TOB1: variants seen among roughly 807,000 people sequenced by gnomAD.
TOB1 encodes the protein transducer of ERBB2, 1, also known as protein Tob1.
A neutral mutation model predicts 22.9 loss-of-function variants in TOB1; 2 were observed. The observed-to-expected ratio is 0.09, with a 90% CI of 0.04 to 0.28. The LOEUF is 0.28. Ranked by LOEUF, TOB1 falls within the 10% of genes least tolerant of loss-of-function variation. The pLI, the probability that TOB1 is intolerant of heterozygous loss-of-function variation, is 1.00. For missense variants in TOB1, 299 were observed against 420.5 expected (o/e 0.71, Z 2.53); for synonymous variants, 154 against 150.6 (o/e 1.02, Z -0.17).
In TOB1 at chr17:50,863,572, A is replaced by G; in HGVS notation, c.446T>C (p.Val149Ala). 6.2e-7 allele frequency: 1 copy of G among 1,614,148 alleles called. No individual in the cohort carries two copies. The highest frequency in any genetic ancestry group is 8.5e-7 in the Non-Finnish European group (1 of 1,180,022). ...AAAAGGAGGCGATGGAGAGCTGGACACTGATGAGGCTGGGTCACTTATGGG... is the reference window on the plus strand; with the variant it reads ...AAAAGGAGGCGATGGAGAGCTGGACGCTGATGAGGCTGGGTCACTTATGGG... Reference protein sequence around the residue: ...FMPISDPASSVSSSPSPPFGH... With the variant: ...FMPISDPASSASSSPSPPFGH... The change falls in exon 2 of 2, where the codon GTG becomes GCG. Residue 149 changes from valine (V) to alanine (A), a missense_variant. Transcript: ENST00000499247.
upstream of TOB1, chr17:50,866,367 G>T (rs868574287): frequency 6.6e-6 from 1 of 152,198 alleles, no homozygotes; most frequent in East Asian, 1.9e-4. Flanking sequence ...CGCGGCGCGC[G>T]CCCCGCCTCT....
At position 50,863,765 on chromosome 17, in the gene TOB1, T is replaced by C. The variant is rs1425928787; in HGVS notation, c.253A>G (p.Asn85Asp). ...SGLDIDDVRG[N>D]LPQDLSVWID... ...CAAACACTAAGATCCTGTGGCAGAT[T>C]GCCACGAACATCATCAATGTCCAAA... The change falls in exon 2 of 2, where the codon AAT (asparagine) becomes GAT (aspartate). Residue 85 changes from asparagine to aspartate, a missense_variant. By Grantham distance (23) the Asn-to-Asp change is conservative. Transcript: ENST00000499247. The C allele has an allele frequency of 4.3e-6, 7 of 1,614,050 alleles. No homozygotes were observed. Among genetic ancestry groups the C allele is most frequent in the Non-Finnish European group, 5.9e-6 (7 of 1,180,038 alleles).
chr17:50,863,810 G>A lies in TOB1; in HGVS notation c.208C>T (p.Gln70Ter). 1 of 1,614,044 alleles carries A rather than the reference G, an allele frequency of 6.2e-7. No homozygotes were observed. The highest frequency in any genetic ancestry group is 8.5e-7 in the Non-Finnish European group (1 of 1,180,008). ...IGEKVDPVIEQASKESGLDID... is the reference protein window; with the variant it reads ...IGEKVDPVIE ...TCCAAACCACTCTCTTTGGATGCTTGTTCAATCACTGGGTCCACTTTCTCC... is the reference window on the plus strand; with the variant it reads ...TCCAAACCACTCTCTTTGGATGCTTATTCAATCACTGGGTCCACTTTCTCC... The change falls in exon 2 of 2, where the codon CAA (glutamine) becomes TAA (stop). Residue 70 changes from glutamine (Q) to a stop codon, truncating the protein, a stop_gained. Coordinates refer to ENST00000499247, the MANE Select transcript of TOB1 (RefSeq NM_005749.4). LOFTEE classifies it high-confidence loss of function.
In TOB1 at chr17:50,864,056, C is replaced by CAAAGA; in HGVS notation, c.-40_-39insTCTTT. 2.9e-6 allele frequency: 3 copies of CAAAGA among 1,038,188 alleles called. No individual in the cohort carries two copies. The highest frequency in any genetic ancestry group is 3.5e-6 in the Non-Finnish European group (3 of 860,176). 64.3% of individuals were successfully genotyped at this position (1,038,188 alleles called of 1,614,324 possible). ...CAAAATTAGGTTTCAACTCCCCCAC[C>CAAAGA]AAAAAAAAAAAAAAAAAAAAAAGAT... On this transcript the variant is annotated 5_prime_UTR_variant, in exon 2 of 2. Transcript: ENST00000499247.
At position 50,866,275 on chromosome 17, in the gene TOB1, C is replaced by T. The variant is rs1440704731; in HGVS notation, c.-364G>A. ...CACGGGGGTCAGACGAGCGCGCTCA[C>T]TTCTCCACACAGCCCGGTGCCCGGC... On this transcript the variant is annotated 5_prime_UTR_variant, in exon 1 of 2. The change creates a new upstream start codon in the 5' untranslated region. Coordinates refer to ENST00000499247, the MANE Select transcript of TOB1 (RefSeq NM_005749.4). The T allele has an allele frequency of 6.6e-6, 1 of 152,366 alleles. No individual in the cohort carries two copies. The highest frequency in any genetic ancestry group is 1.5e-5 in the Non-Finnish European group (1 of 68,202). The allele number at this position is 152,366 out of a possible 1,614,324, so 9.4% of individuals were successfully genotyped here.
rs553233949 is a variant in TOB1 at position 50,862,224 on chromosome 17, T to C, written c.*756A>G. ...ACTTAAAAACAAAGACAATAGGCAT[T>C]TTTAATTTTAAAGAATTTTAATACA... On this transcript the variant is annotated 3_prime_UTR_variant, in exon 2 of 2. Coordinates refer to ENST00000499247, the MANE Select transcript of TOB1 (RefSeq NM_005749.4). 3 of 151,540 alleles carry C rather than the reference T, an allele frequency of 2.0e-5. No homozygotes were observed. Among genetic ancestry groups the C allele is most frequent in the Admixed American group, 2.0e-4 (3 of 15,230 alleles). 9.4% of individuals were successfully genotyped at this position (151,540 alleles called of 1,614,324 possible).
At position 50,863,543 on chromosome 17, in the gene TOB1, G is replaced by A; in HGVS notation, c.475C>T (p.His159Tyr). 1 of 1,614,160 alleles carries A rather than the reference G, an allele frequency of 6.2e-7. No homozygotes were observed. Among genetic ancestry groups the A allele is most frequent in the Non-Finnish European group, 8.5e-7 (1 of 1,180,032 alleles). The change falls in exon 2 of 2, where the codon CAC becomes TAC. Residue 159 changes from histidine (H) to tyrosine (Y), a missense_variant. Transcript: ENST00000499247. ...AAGGTAGGGCTTACAGCAGCAGAGT[G>A]ACCAAAAGGAGGCGATGGAGAGCTG... is the stretch of plus-strand genomic sequence containing the variant. ...VSSSPSPPFG[H>Y]SAAVSPTFMP...
upstream of TOB1, chr17:50,866,745 G>A (rs1972317825): frequency 6.5e-6 from 1 of 152,692 alleles, no homozygotes; most frequent in Admixed American, 6.5e-5. Flanking sequence ...GGTTTAGGCG[G>A]AGAGCGCCGG....
In TOB1 at chr17:50,863,429, G is replaced by A. The variant is rs377106713; in HGVS notation, c.589C>T (p.Arg197Cys). 5.5e-5 allele frequency: 89 copies of A among 1,613,952 alleles called. No individual in the cohort carries two copies. Among genetic ancestry groups the A allele is most frequent in the South Asian group, 1.1e-5 (1 of 91,078 alleles). ...GAAGTACGTGCAACCTTGTTGCTAC[G>A]GCCACTATTCTTCATTTTGGTAGAG... is the stretch of plus-strand genomic sequence containing the variant. ...FGSTKMKNSG[R>C]SNKVARTSPI... The change falls in exon 2 of 2, where the codon CGT becomes TGT. Residue 197 changes from arginine (R) to cysteine (C), a missense_variant. By Grantham distance (180) the Arg-to-Cys change is radical (BLOSUM62 -3). Transcript: ENST00000499247.
At chr17:50,865,778 C>T (rs1972292164) in intron 1 of TOB1, among the ~76,000 whole-genome samples, 1 of 152,064 alleles carries the variant, frequency 6.6e-6, no homozygotes, top group Admixed American at 6.5e-5. Context: ...ACCGCGAGCT[C>T]GTCGCTCCTC....
At chr17:50,865,485 AGGAGGT>A (rs1033048982) in intron 1 of TOB1, among the ~76,000 whole-genome samples, 1 of 151,928 alleles carries the variant, frequency 6.6e-6, no homozygotes, top group African/African-American at 2.4e-5. Context: ...CAACAGCAAG[AGGAGGT>A]GGAGGTGGAG....
chr17:50,865,458 A>G (rs1394813700), intron 1 of TOB1, among the ~76,000 whole-genome samples: 1 of 152,008 alleles, frequency 6.6e-6, no homozygotes, highest in Non-Finnish European at 1.5e-5. Flanking sequence ...CTCGGAGCCC[A>G]AGCGCTACAG....
chr17:50,863,931 A>G lies in TOB1; in HGVS notation c.87T>C (p.Gly29=), dbSNP rs141596811. The change falls in exon 2 of 2, where the codon GGT becomes GGC. Residue 29 remains glycine, a synonymous_variant. Transcript: ENST00000499247. ...TCTTAAGAAGTCTTTCAAGTTCTTC[A>G]CCAAAAATGTTGACACGTCTCCTGG... ...KLPRRRVNIF[G]EELERLLKKK... is the part of the protein sequence containing the mutation. The G allele has an allele frequency of 2.9e-4, 470 of 1,614,070 alleles. 1 individual carries two copies. In the African/African-American group the frequency reaches 5.7e-3, roughly 20 times the overall value.
rs531195342 is a variant in TOB1 at position 50,862,480 on chromosome 17, T to C, written c.*500A>G. On this transcript the variant is annotated 3_prime_UTR_variant, in exon 2 of 2. Coordinates refer to ENST00000499247, the MANE Select transcript of TOB1 (RefSeq NM_005749.4). ...ATTCCACCACTAAAGGAATATCCTGTACACAATTTTTAGAATAGTTGATGT... is the reference window on the plus strand; with the variant it reads ...ATTCCACCACTAAAGGAATATCCTGCACACAATTTTTAGAATAGTTGATGT... 3.3e-5 allele frequency: 5 copies of C among 152,728 alleles called. No individual in the cohort carries two copies. The South Asian group carries it at 8.3e-4, about 25-fold the overall frequency. The allele number at this position is 152,728 out of a possible 1,614,324, so 9.5% of individuals were successfully genotyped here.
rs1409723589 is a variant in TOB1 at position 50,863,731 on chromosome 17, G to A, written c.287C>T (p.Pro96Leu). The A allele has an allele frequency of 6.2e-7, 1 of 1,613,946 alleles. No individual in the cohort carries two copies. Among genetic ancestry groups the A allele is most frequent in the Non-Finnish European group, 8.5e-7 (1 of 1,180,030 alleles). The change falls in exon 2 of 2, where the codon CCA becomes CTA. Residue 96 changes from proline (P) to leucine (L), a missense_variant. By Grantham distance (98) the Pro-to-Leu change is moderately conservative. Transcript: ENST00000499247. ...LPQDLSVWID[P>L]FEVSYQIGEK... is the part of the protein sequence containing the mutation. ...ACCAATTTGGTAAGAAACCTCAAAT[G>A]GGTCGATCCAAACACTAAGATCCTG...
At chr17:50,866,770 G>A (rs1567916262), upstream of TOB1, 1 of 152,658 alleles carries the variant, frequency 6.6e-6, no homozygotes, top group Non-Finnish European at 1.5e-5. Flanking sequence ...AGGGGGAGGG[G>A]GACGAAGCTG....
At position 50,866,152 on chromosome 17, in the gene TOB1, C is replaced by A. The variant is rs1972301679; in HGVS notation, c.-241G>T. On this transcript the variant is annotated 5_prime_UTR_variant, in exon 1 of 2. Coordinates refer to ENST00000499247, the MANE Select transcript of TOB1 (RefSeq NM_005749.4). ...GCGGGAGGGTCGGGAGCGGCGAGCT[C>A]GCCGAGTGCAAGACGTTGCCGCTGC... 1 of 152,588 alleles carries A rather than the reference C, an allele frequency of 6.6e-6. No individual in the cohort carries two copies. Among genetic ancestry groups the A allele is most frequent in the Non-Finnish European group, 1.5e-5 (1 of 68,462 alleles). The allele number at this position is 152,588 out of a possible 1,614,324, so 9.5% of individuals were successfully genotyped here.
rs71149322 is a variant in TOB1, at chr17:50,864,056, C to CAAAAAAAAA, written c.-48_-40dup. 3.7e-3 allele frequency: 3,869 copies of CAAAAAAAAA among 1,036,890 alleles called. 10 individuals are homozygous for CAAAAAAAAA. The highest frequency in any genetic ancestry group is 6.5e-3 in the African/African-American group (260 of 39,808). 64.2% of individuals were successfully genotyped at this position (1,036,890 alleles called of 1,614,324 possible). Reference sequence around the variant, plus strand: ...CAAAATTAGGTTTCAACTCCCCCACCAAAAAAAAAAAAAAAAAAAAAAGAT... The same window carrying CAAAAAAAAA: ...CAAAATTAGGTTTCAACTCCCCCACCAAAAAAAAAAAAAAAAAAAAAAAAAAAAAAAGAT... On this transcript the variant is annotated 5_prime_UTR_variant, in exon 2 of 2. Coordinates refer to ENST00000499247, the MANE Select transcript of TOB1 (RefSeq NM_005749.4).
chr17:50,867,771 C>T (rs1378320367), upstream of TOB1: 1 of 152,332 alleles, frequency 6.6e-6, no homozygotes, highest in Non-Finnish European at 1.5e-5. Flanking sequence ...CCTGCACTCT[C>T]AACCTGCTAT....
Sources: gnomAD v4.1 joint callset for allele counts (sites outside exome capture counted in the v4.1 genomes callset) on GRCh38, gnomAD v4.1.1 for gene constraint, MANE v1.5 for transcripts, NCBI Gene and HGNC (gene_info 2026-07-23, HGNC 2026-07-21) for gene names.